Variants in BCL9 observed in about 807,000 individuals in gnomAD.
BCL9 encodes B-cell CLL/lymphoma 9 protein.
In BCL9, 25 loss-of-function variants were observed where a neutral mutation model predicts 88.5. The observed-to-expected ratio is 0.28, with a 90% CI of 0.21 to 0.39. The LOEUF (loss-of-function observed/expected upper bound fraction) is 0.39, where lower values mean the gene tolerates loss of function less well. Ranked by LOEUF, BCL9 falls within the 10% of genes least tolerant of loss-of-function variation. The pLI is 1.00. For synonymous variants in BCL9, 711 were observed against 673.3 expected (o/e 1.06, Z -0.87); for missense variants, 1,817 against 1,877.8 (o/e 0.97, Z 0.60).
Position 147,624,076 on chromosome 1 carries a change from G to C in BCL9, c.3398G>C (p.Gly1133Ala). 1 of 1,612,054 alleles carries C rather than the reference G, an allele frequency of 6.2e-7. No homozygotes were observed. Residue 1133 changes from glycine to alanine, a missense_variant, in exon 10 of 10, where the codon GGA (glycine) becomes GCA (alanine). By Grantham distance (60) the Gly-to-Ala change is moderately conservative. Transcript: ENST00000234739. The surrounding 1 kb of genome is among the most constrained non-coding windows in gnomAD (Gnocchi z 4.4). Reference protein sequence around the residue: ...GSQEPPMVPQGRMGFPQGFPP... With the variant: ...GSQEPPMVPQARMGFPQGFPP... ...CAGGAGCCACCGATGGTACCTCAAGGACGGATGGGCTTCCCCCAGGGCTTC... is the reference window on the plus strand; with the variant it reads ...CAGGAGCCACCGATGGTACCTCAAGCACGGATGGGCTTCCCCCAGGGCTTC...
At chr1:147,590,648 C>T (rs1360342060) in intron 1 of BCL9, among the ~76,000 whole-genome samples, 1 of 152,154 alleles carries the variant, frequency 6.6e-6, no homozygotes, top group African/African-American at 2.4e-5. Flanking sequence ...TTGTAACTTA[C>T]CTGAACCCAG....
intron 1 of BCL9, among the ~76,000 whole-genome samples, chr1:147,591,187 GC>G (rs1365312798): frequency 1.3e-5 from 2 of 152,036 alleles, no homozygotes; most frequent in African/African-American, 4.8e-5. Context: ...TCAGGATGGT[GC>G]CTATTCCATA....
intron 7 of BCL9, 50 bp from the exon 8 acceptor site, chr1:147,618,766 C>A (rs1658430165): frequency 7.0e-7 from 1 of 1,431,330 alleles, no homozygotes; most frequent in Non-Finnish European, 9.3e-7. Flanking sequence ...CTTTTAATTG[C>A]CCTTCTGTTC....
intron 1 of BCL9, among the ~76,000 whole-genome samples, chr1:147,597,525 A>C (rs1392201032): frequency 1.3e-5 from 2 of 152,234 alleles, no homozygotes; most frequent in Non-Finnish European, 2.9e-5. Flanking sequence ...TCTTATTCAT[A>C]GGATGCTTTT....
chr1:147,607,745 C>T (rs1553202163), intron 3 of BCL9, among the ~76,000 whole-genome samples: 1 of 152,044 alleles, frequency 6.6e-6, no homozygotes, highest in Non-Finnish European at 1.5e-5. Context: ...ATAAAGGAGC[C>T]ATTTATTAAG....
chr1:147,569,201 G>A (rs868970533), intron 1 of BCL9, among the ~76,000 whole-genome samples: 7 of 151,782 alleles, frequency 4.6e-5, no homozygotes, highest in Admixed American at 1.3e-4. Flanking sequence ...AACAGAATGT[G>A]CAAGGTCATG....
At chr1:147,562,450 CAT>C (rs1655422866) in intron 1 of BCL9, among the ~76,000 whole-genome samples, 1 of 152,314 alleles carries the variant, frequency 6.6e-6, no homozygotes, top group African/African-American at 2.4e-5. Flanking sequence ...GCAGGAGTGA[CAT>C]ATGCACACCT....
At chr1:147,569,601 G>C (rs1187588714) in intron 1 of BCL9, among the ~76,000 whole-genome samples, 13 of 152,014 alleles carry the variant, frequency 8.6e-5, no homozygotes, top group African/African-American at 3.1e-4. Flanking sequence ...GGTGAGCCAA[G>C]ATCTCACCAC....
chr1:147,552,323 T>C (rs2101475703), intron 1 of BCL9, among the ~76,000 whole-genome samples: 1 of 152,224 alleles, frequency 6.6e-6, no homozygotes, highest in Admixed American at 6.5e-5. Context: ...AATAATAGAT[T>C]GAGGCCAGGT....
In BCL9 at chr1:147,620,547, C is replaced by G. The variant is rs782032569; in HGVS notation, c.2392C>G (p.Arg798Gly). 6.2e-7 allele frequency: 1 copy of G among 1,604,782 alleles called. No homozygotes were observed. The highest frequency in any genetic ancestry group is 8.5e-7 in the Non-Finnish European group (1 of 1,176,996). ...SQGPGSNSGL[R>G]NLREPIGPDQ... ...GGGTCCAGGCAGCAACAGTGGCTTG[C>G]GGAATCTCAGAGAACCAATTGGGCC... Residue 798 changes from arginine (R) to glycine (G), a missense_variant, in exon 8 of 10, where the codon CGG (arginine) becomes GGG (glycine). Arg to Gly is a moderately radical substitution (Grantham distance 125, BLOSUM62 -2). This residue lies in a region of BCL9 where 1,228 missense variants were observed against 1,191.6 expected (regional missense o/e 1.03). Coordinates refer to ENST00000234739, the MANE Select transcript of BCL9 (RefSeq NM_004326.4).
chr1:147,584,956 C>T (rs889049737), intron 1 of BCL9, among the ~76,000 whole-genome samples: 2 of 152,084 alleles, frequency 1.3e-5, no homozygotes, highest in African/African-American at 4.8e-5. Flanking sequence ...TAGCATCAAC[C>T]GGCATAAAAA....
intron 1 of BCL9, among the ~76,000 whole-genome samples, chr1:147,564,360 C>T (rs758831281): frequency 2.6e-5 from 4 of 152,004 alleles, no homozygotes; most frequent in Non-Finnish European, 2.9e-5. Flanking sequence ...CTCATCTTTC[C>T]TATTATCATA....
chr1:147,621,788 CT>C (rs1410300908), intron 8 of BCL9, among the ~76,000 whole-genome samples: 1 of 152,166 alleles, frequency 6.6e-6, no homozygotes, highest in African/African-American at 2.4e-5. Context: ...GAACAGCCCC[CT>C]CAGACCTTCT....
rs1658909839 is a variant in BCL9 at position 147,625,717 on chromosome 1, T to G, written c.*758T>G. On this transcript the variant is annotated 3_prime_UTR_variant, in exon 10 of 10. Transcript: ENST00000234739. ...ACTGGCACATTTTTCTCTTGTTTTC[T>G]CTCTCCGATTTTGCTCTGTCTCCTC... 2 of 233,292 alleles carry G rather than the reference T, an allele frequency of 8.6e-6. No homozygotes were observed. Among genetic ancestry groups the G allele is most frequent in the Non-Finnish European group, 1.7e-5 (2 of 117,840 alleles). 14.5% of individuals were successfully genotyped at this position (233,292 alleles called of 1,614,324 possible).
chr1:147,609,232 T>TC (rs1657882750), intron 3 of BCL9, among the ~76,000 whole-genome samples: 1 of 152,166 alleles, frequency 6.6e-6, no homozygotes, highest in South Asian at 2.1e-4. Flanking sequence ...AACTCTAACC[T>TC]CCTGAAGAGC....
chr1:147,568,818 C>T (rs1168135396), intron 1 of BCL9, among the ~76,000 whole-genome samples: 10 of 152,124 alleles, frequency 6.6e-5, no homozygotes, highest in African/African-American at 2.4e-5. Flanking sequence ...ATCATTATTT[C>T]GGTTCTTAGT....
chr1:147,601,424 A>G (rs1192110077), intron 1 of BCL9, among the ~76,000 whole-genome samples: 1 of 152,248 alleles, frequency 6.6e-6, no homozygotes, highest in Non-Finnish European at 1.5e-5. Context: ...AGTATTAGTT[A>G]GCACTTGATA....
At chr1:147,556,389 G>A (rs1655115233) in intron 1 of BCL9, among the ~76,000 whole-genome samples, 2 of 151,732 alleles carry the variant, frequency 1.3e-5, no homozygotes, top group South Asian at 2.1e-4. Flanking sequence ...CTCCCAAAGT[G>A]CTGGGATTAC....
rs1401094254 is a variant in BCL9 at position 147,624,612 on chromosome 1, G to A, written c.3934G>A (p.Gly1312Ser). The stretch of plus-strand genomic sequence containing the variant: ...TCTTGGTACAGCTCCATCCATGCCA[G>A]GCCACAACCCCATGAGACCACCAGC... ...IPLGTAPSMP[G>S]HNPMRPPAFL... is the part of the protein sequence containing the mutation. The change falls in exon 10 of 10, where the codon GGC becomes AGC. Residue 1312 changes from glycine to serine, a missense_variant. By Grantham distance (56) the Gly-to-Ser change is moderately conservative. Transcript: ENST00000234739. This position sits in a 1 kb window ranked among gnomAD's most constrained non-coding sequence, Gnocchi z 4.4. 6.2e-7 allele frequency: 1 copy of A among 1,614,070 alleles called. No individual in the cohort carries two copies. The highest frequency in any genetic ancestry group is 1.3e-5 in the African/African-American group (1 of 74,922).
Sources: gnomAD v4.1 joint callset for allele counts (sites outside exome capture counted in the v4.1 genomes callset) on GRCh38, gnomAD v4.1.1 for gene constraint, gnomAD v4.1.1 regional missense constraint, Gnocchi (gnomAD v3.1) non-coding constraint, MANE v1.5 for transcripts, NCBI Gene and HGNC (gene_info 2026-07-23, HGNC 2026-07-21) for gene names.